MAX: variants seen among roughly 807,000 people sequenced by gnomAD.
The protein encoded by MAX is MYC associated transcriptional regulator X.
A neutral mutation model predicts 22.3 loss-of-function variants in MAX; 3 were observed. The observed-to-expected ratio is 0.13, with a 90% CI of 0.06 to 0.35. The LOEUF (loss-of-function observed/expected upper bound fraction) is 0.35. Ranked by LOEUF, MAX falls within the 10% of genes least tolerant of loss-of-function variation. The probability of loss-of-function intolerance (pLI) is 1.00; values close to 1 mark genes in which losing one functional copy is unlikely to be tolerated. For synonymous variants in MAX, 72 were observed against 77.7 expected (o/e 0.93, Z 0.39); for missense variants, 119 against 209.4 (o/e 0.57, Z 2.66).
At chr14:65,015,586 T>G (rs1852851981) in intron 3 of MAX, 1 of 1,610,046 alleles carries the variant, frequency 6.2e-7, no homozygotes, top group Non-Finnish European at 8.5e-7. Context: ...TTGGAGTGAT[T>G]GTGAATAAGG....
At position 65,030,706 on chromosome 14, in the gene MAX, C is replaced by T. The variant is rs372056588; in HGVS notation, c.172-24422G>A. ...AGTGAGCCATGATAGCGCCACTGCA[C>T]TGCAGCCTGGGCAACAAAGTGAGAT... On this transcript the variant is annotated intron_variant, in intron 3 of 3. Coordinates refer to the MAX transcript ENST00000341653. This position sits in a 1 kb window ranked among gnomAD's most constrained non-coding sequence, Gnocchi z 4.5. Among the ~76,000 whole-genome samples, 10 of 151,770 alleles carry T rather than the reference C, an allele frequency of 6.6e-5. No homozygotes were observed. In the South Asian group the frequency reaches 1.0e-3, roughly 16 times the overall value.
rs1380199224 is a variant in MAX, at chr14:65,027,317, A to T, written c.172-21033T>A. 84 of 1,379,062 alleles carry T rather than the reference A, an allele frequency of 6.1e-5. No homozygotes were observed. Among genetic ancestry groups the T allele is most frequent in the Non-Finnish European group, 8.0e-5 (81 of 1,010,562 alleles). The allele number at this position is 1,379,062 out of a possible 1,614,324, so 85.4% of individuals were successfully genotyped here. ...GCCCTTTGGGGAGAGGTTATATTCA[A>T]CAAGTGGGAGGAGAGGTTCCCCTCA... On this transcript the variant is annotated intron_variant, in intron 3 of 3. Coordinates refer to the MAX transcript ENST00000341653. This position sits in a 1 kb window ranked among gnomAD's most constrained non-coding sequence, Gnocchi z 5.7.
In MAX at chr14:65,088,231, G is replaced by C. The variant is rs545466410; in HGVS notation, c.171+5477C>G. Among the ~76,000 whole-genome samples the C allele has an allele frequency of 6.6e-6, 1 of 152,120 alleles. No homozygotes were observed. Among genetic ancestry groups the C allele is most frequent in the Non-Finnish European group, 1.5e-5 (1 of 68,024 alleles). The stretch of plus-strand genomic sequence containing the variant: ...GGAAGGTTAATGTCAGGAAGGAGGC[G>C]AAAAAGCAGGTAGGTAAGCTGGGTA... On this transcript the variant is annotated intron_variant, in intron 3 of 4. Coordinates refer to ENST00000358664, the MANE Select transcript of MAX (RefSeq NM_002382.5). This position sits in a 1 kb window ranked among gnomAD's most constrained non-coding sequence, Gnocchi z 5.2.
chr14:65,035,676 C>T (rs774375977), intron 3 of MAX, among the ~76,000 whole-genome samples: 33 of 150,782 alleles, frequency 2.2e-4, no homozygotes, highest in Admixed American at 9.3e-4. Flanking sequence ...ACAACAAGCG[C>T]GTGCCACCAT....
In MAX at chr14:65,079,659, G is replaced by A. The variant is rs139575570; in HGVS notation, c.172-1623C>T. Among the ~76,000 whole-genome samples, 2 of 152,252 alleles carry A rather than the reference G, an allele frequency of 1.3e-5. No individual in the cohort carries two copies. Among genetic ancestry groups the A allele is most frequent in the East Asian group, 3.9e-4 (2 of 5,182 alleles). On this transcript the variant is annotated intron_variant, in intron 3 of 4. Transcript: ENST00000358664. This position sits in a 1 kb window ranked among gnomAD's most constrained non-coding sequence, Gnocchi z 4.5. ...CAATTCTGTATTACAAGCCCAATGG[G>A]TCCTAAACAACCAGAACACAACAGC...
In MAX at chr14:65,032,687, G is replaced by T; in HGVS notation, c.172-26403C>A. On this transcript the variant is annotated intron_variant, in intron 3 of 3. Transcript: ENST00000341653. The surrounding 1 kb of genome is among the most constrained non-coding windows in gnomAD (Gnocchi z 5.0). ...GACCTCTTTGAGGGCACTGCTGAAT[G>T]GATAGCAAGGTGAGAGAAGCCAGGG... 1 of 1,613,512 alleles carries T rather than the reference G, an allele frequency of 6.2e-7. No individual in the cohort carries two copies.
intron 3 of MAX, among the ~76,000 whole-genome samples, chr14:65,024,250 T>A (rs1363230324): frequency 6.6e-6 from 1 of 152,018 alleles, no homozygotes; most frequent in African/African-American, 2.4e-5. Context: ...GTGGGGAGTT[T>A]AAAAAAAATA....
intron 3 of MAX, among the ~76,000 whole-genome samples, chr14:65,068,739 C>T (rs948030698): frequency 1.3e-5 from 2 of 152,106 alleles, no homozygotes; most frequent in South Asian, 2.1e-4. Context: ...TTTCTTTCAA[C>T]GAGTACTGCA....
rs1566587466 is a variant in MAX, at chr14:65,062,970, G to T, written c.171+30738C>A. On this transcript the variant is annotated intron_variant, in intron 3 of 3. Coordinates refer to the MAX transcript ENST00000341653. The surrounding 1 kb of genome is among the most constrained non-coding windows in gnomAD (Gnocchi z 4.3). The stretch of plus-strand genomic sequence containing the variant: ...GACTGGGCCTAGTAGCCCCAGAGCA[G>T]GCTGACTTAGCAAGGGTGGGTGGAT... 6.6e-6 allele frequency among the ~76,000 whole-genome samples: 1 copy of T among 152,258 alleles called. No homozygotes were observed. The highest frequency in any genetic ancestry group is 1.5e-5 in the Non-Finnish European group (1 of 68,044).
chr14:65,069,659 C>G lies in MAX; in HGVS notation c.171+24049G>C, dbSNP rs1436797033. 6.6e-6 allele frequency among the ~76,000 whole-genome samples: 1 copy of G among 152,196 alleles called. No homozygotes were observed. Among genetic ancestry groups the G allele is most frequent in the South Asian group, 2.1e-4 (1 of 4,832 alleles). ...CACAAGGCTGGAGTCCACTGGCACACGCACATATGCATGCAGCATTTGTAG... is the reference window on the plus strand; with the variant it reads ...CACAAGGCTGGAGTCCACTGGCACAGGCACATATGCATGCAGCATTTGTAG... On this transcript the variant is annotated intron_variant, in intron 3 of 3. Transcript: ENST00000341653. The surrounding 1 kb of genome is among the most constrained non-coding windows in gnomAD (Gnocchi z 4.6).
Position 65,029,042 on chromosome 14 carries a change from A to G in MAX, c.172-22758T>C, listed in dbSNP as rs984081161. Among the ~76,000 whole-genome samples the G allele has an allele frequency of 6.6e-6, 1 of 151,798 alleles. No homozygotes were observed. Among genetic ancestry groups the G allele is most frequent in the Non-Finnish European group, 1.5e-5 (1 of 67,980 alleles). On this transcript the variant is annotated intron_variant, in intron 3 of 3. Coordinates refer to the MAX transcript ENST00000341653. This position sits in a 1 kb window ranked among gnomAD's most constrained non-coding sequence, Gnocchi z 4.7. ...TTTTTTCCCTATGCTCTTTATTTATATGTTCTAGATAAATGCTAGGAAACT... is the reference window on the plus strand; with the variant it reads ...TTTTTTCCCTATGCTCTTTATTTATGTGTTCTAGATAAATGCTAGGAAACT...
rs1256410968 is a variant in MAX at position 65,101,522 on chromosome 14, T to C, written c.63+24A>G. On this transcript the variant is annotated intron_variant, in intron 2 of 4. Coordinates refer to ENST00000358664, the MANE Select transcript of MAX (RefSeq NM_002382.5). ...GAATAGAACTGAACGGAAATAAAAA[T>C]GAAATGGAGAGTAGGAGACGTACCG... 3.1e-6 allele frequency: 5 copies of C among 1,600,034 alleles called. No individual in the cohort carries two copies. The South Asian group carries it at 5.5e-5, about 18-fold the overall frequency.
chr14:65,075,398 G>C lies in MAX; in HGVS notation c.*1078C>G. The C allele has an allele frequency of 2.8e-6, 3 of 1,063,406 alleles. No homozygotes were observed. The highest frequency in any genetic ancestry group is 3.4e-6 in the Non-Finnish European group (3 of 877,788). 65.9% of individuals were successfully genotyped at this position (1,063,406 alleles called of 1,614,324 possible). A position where few individuals can be genotyped will look rare whatever the true frequency, so the allele number is the denominator to read the frequency against. Reference sequence around the variant, plus strand: ...AGGGCTGGATCACACAATGGAGACAGGTTCCAGGACAGTAGGAAAGGAAGT... The same window carrying C: ...AGGGCTGGATCACACAATGGAGACACGTTCCAGGACAGTAGGAAAGGAAGT... On this transcript the variant is annotated 3_prime_UTR_variant, in exon 5 of 5. Coordinates refer to ENST00000358664, the MANE Select transcript of MAX (RefSeq NM_002382.5). The surrounding 1 kb of genome is among the most constrained non-coding windows in gnomAD (Gnocchi z 4.1).
chr14:65,030,898 CTG>C lies in MAX; in HGVS notation c.172-24616_172-24615del, dbSNP rs2062067862. ...TCTTGGCTCACTGCAACCTCTGTCT[CTG>C]GGGTTCAAACGATTCTCCTGCCTCG... is the stretch of plus-strand genomic sequence containing the variant. On this transcript the variant is annotated intron_variant, in intron 3 of 3. Coordinates refer to the MAX transcript ENST00000341653. The surrounding 1 kb of genome is among the most constrained non-coding windows in gnomAD (Gnocchi z 4.5). Among the ~76,000 whole-genome samples, 1 of 152,190 alleles carries C rather than the reference CTG, an allele frequency of 6.6e-6. No homozygotes were observed. Among genetic ancestry groups the C allele is most frequent in the South Asian group, 2.1e-4 (1 of 4,834 alleles).
At chr14:65,101,406 A>T (rs2063827512) in intron 2 of MAX, 140 bp downstream of exon 2, 2 of 742,438 alleles carry the variant, frequency 2.7e-6, no homozygotes, top group Non-Finnish European at 4.5e-6. Context: ...CTCCAGAACC[A>T]GGCCCCACCT....
At chr14:65,059,604 T>C (rs2062815757) in intron 3 of MAX, among the ~76,000 whole-genome samples, 2 of 152,088 alleles carry the variant, frequency 1.3e-5, no homozygotes, top group Admixed American at 6.6e-5. Flanking sequence ...TAGTATTCTC[T>C]CAAAATTTTT....
Position 65,007,688 on chromosome 14 carries a change from C to T in MAX, c.172-1404G>A, listed in dbSNP as rs1163710037. ...GTTTTGTTTATTCATGTCTGCTTTC[C>T]CATGAAAATTCATTTTTTCTTCCCT... On this transcript the variant is annotated intron_variant, in intron 3 of 3. Coordinates refer to the MAX transcript ENST00000341653. This position sits in a 1 kb window ranked among gnomAD's most constrained non-coding sequence, Gnocchi z 4.9. Among the ~76,000 whole-genome samples, 1 of 152,146 alleles carries T rather than the reference C, an allele frequency of 6.6e-6. No homozygotes were observed. Among genetic ancestry groups the T allele is most frequent in the Non-Finnish European group, 1.5e-5 (1 of 68,030 alleles).
chr14:65,061,373 G>A (rs1392535542), intron 3 of MAX: 39 of 1,605,904 alleles, frequency 2.4e-5, no homozygotes, highest in South Asian at 1.9e-4. Context: ...AGGTTTATAC[G>A]TTTCAATACA....
chr14:65,050,306 C>G (rs983815659), intron 3 of MAX, among the ~76,000 whole-genome samples: 8 of 152,158 alleles, frequency 5.3e-5, no homozygotes, highest in African/African-American at 1.9e-4. Flanking sequence ...TAAAAAGTAA[C>G]TAAAGCTGGC....
Sources: gnomAD v4.1 joint callset for allele counts (sites outside exome capture counted in the v4.1 genomes callset) on GRCh38, gnomAD v4.1.1 for gene constraint, Gnocchi (gnomAD v3.1) non-coding constraint, MANE v1.5 for transcripts, NCBI Gene and HGNC (gene_info 2026-07-23, HGNC 2026-07-21) for gene names.